Variants in TDRD9 observed in about 807,000 individuals in gnomAD.
TDRD9 encodes the protein tudor domain containing 9.
In TDRD9, 124 loss-of-function variants were observed where a neutral mutation model predicts 172.6. That is an observed-to-expected ratio of 0.72 (90% confidence interval 0.62 to 0.83). The LOEUF (loss-of-function observed/expected upper bound fraction) is 0.83. Among genes scored for constraint, TDRD9 ranks in the 40% least tolerant of loss-of-function variants. The pLI, the probability that TDRD9 is intolerant of heterozygous loss-of-function variation, is 0.00. For missense variants in TDRD9, 1,479 were observed against 1,714.1 expected (o/e 0.86, Z 2.42); for synonymous variants, 619 against 617.1 (o/e 1.00, Z -0.05).
chr14:104,042,892 T>G (rs2035651369), intron 34 of TDRD9, among the ~76,000 whole-genome samples: 1 of 152,242 alleles, frequency 6.6e-6, no homozygotes, highest in Non-Finnish European at 1.5e-5. Flanking sequence ...CTCCTTCCTA[T>G]GCCTTTTGGG....
Position 104,025,795 on chromosome 14 carries a change from A to G in TDRD9, c.2931+19A>G, listed in dbSNP as rs771964578. ...TGCTGAGGTAGGTTTTTCTGTAACA[A>G]GTCACTGGAAGGGAAATGAGACAGA... On this transcript the variant is annotated intron_variant, in intron 26 of 35. Transcript: ENST00000409874. The G allele has an allele frequency of 6.4e-7, 1 of 1,568,470 alleles. No homozygotes were observed. The highest frequency in any genetic ancestry group is 1.7e-4 in the Middle Eastern group (1 of 5,974).
At chr14:103,941,681 G>C in intron 1 of TDRD9, 1 of 1,510,396 alleles carries the variant, frequency 6.6e-7, no homozygotes, top group Non-Finnish European at 8.8e-7. Flanking sequence ...ATTTCATCCA[G>C]CCAAAAAGTG....
intron 13 of TDRD9, among the ~76,000 whole-genome samples, chr14:104,000,657 C>T (rs2034230327): frequency 6.6e-6 from 1 of 152,062 alleles, no homozygotes; most frequent in Admixed American, 6.6e-5. Context: ...TGGTGGCACA[C>T]ACCTGTAATC....
intron 23 of TDRD9, among the ~76,000 whole-genome samples, chr14:104,019,870 T>C (rs956024135): frequency 1.9e-4 from 29 of 152,218 alleles, no homozygotes; most frequent in African/African-American, 6.8e-4. Flanking sequence ...ACATTCTATC[T>C]GAGGCCCAAT....
Position 104,033,997 on chromosome 14 carries a change from A to C in TDRD9, c.3547A>C (p.Ile1183Leu). The C allele has an allele frequency of 6.4e-7, 1 of 1,551,612 alleles. No homozygotes were observed. Among genetic ancestry groups the C allele is most frequent in the East Asian group, 2.4e-5 (1 of 40,896 alleles). The change falls in exon 31 of 36, where the codon ATT (isoleucine) becomes CTT (leucine). Residue 1183 changes from isoleucine to leucine, a missense_variant. Ile to Leu is a conservative substitution (Grantham distance 5). Around this residue, in one of 3 missense-constraint regions of TDRD9, gnomAD observed 1,413 missense variants for 1,649.1 expected, o/e 0.86. Transcript: ENST00000409874. ...WIEKESINSV[I>L]ISDAPEDLHQ... Reference sequence around the variant, plus strand: ...TGAGAAGGAGAGCATCAACTCTGTCATTATCAGTGACGCCCCTGAAGACCT... The same window carrying C: ...TGAGAAGGAGAGCATCAACTCTGTCCTTATCAGTGACGCCCCTGAAGACCT...
chr14:104,040,562 C>T (rs1416155996), intron 33 of TDRD9, among the ~76,000 whole-genome samples: 1 of 152,194 alleles, frequency 6.6e-6, no homozygotes, highest in Non-Finnish European at 1.5e-5. Context: ...TGATGGTGCT[C>T]TCTGAGTCTC....
At position 104,006,687 on chromosome 14, in the gene TDRD9, C is replaced by A. The variant is rs374185759; in HGVS notation, c.1921C>A (p.Arg641=). 9 of 1,613,836 alleles carry A rather than the reference C, an allele frequency of 5.6e-6. No individual in the cohort carries two copies. The highest frequency in any genetic ancestry group is 6.8e-6 in the Non-Finnish European group (8 of 1,179,850). Residue 641 remains arginine, a synonymous_variant, in exon 17 of 36, where the codon CGG becomes AGG. Coordinates refer to ENST00000409874, the MANE Select transcript of TDRD9 (RefSeq NM_153046.3). ...SLKNFFAMPF[R]QHLDGYRNKV... is the part of the protein sequence containing the mutation. ...GAAGAATTTTTTTGCAATGCCTTTC[C>A]GGCAGCATCTCGATGGATATAGGTA...
Position 104,040,073 on chromosome 14 carries a change from AAATT to A in TDRD9, c.3717-118_3717-115del, listed in dbSNP as rs1197663152. The A allele has an allele frequency of 1.3e-5, 11 of 827,786 alleles. No homozygotes were observed. The East Asian group carries it at 2.6e-4, about 20-fold the overall frequency. The allele number at this position is 827,786 out of a possible 1,614,324, so 51.3% of individuals were successfully genotyped here. On this transcript the variant is annotated intron_variant, in intron 32 of 35. Coordinates refer to ENST00000409874, the MANE Select transcript of TDRD9 (RefSeq NM_153046.3). ...AAACTGGCAGAAAAATGCACAAGTG[AAATT>A]AATTGCTGTACTAGGGCTGGCAGAA...
chr14:103,944,208 G>A (rs142391027), intron 1 of TDRD9, among the ~76,000 whole-genome samples: 3 of 145,306 alleles, frequency 2.1e-5, no homozygotes, highest in East Asian at 2.2e-4. Flanking sequence ...ACAGTCTTAC[G>A]TTATCCCTCC....
At chr14:103,985,464 A>T (rs2033626930) in intron 7 of TDRD9, among the ~76,000 whole-genome samples, 1 of 152,164 alleles carries the variant, frequency 6.6e-6, no homozygotes, top group Admixed American at 6.5e-5. Flanking sequence ...TGGAACTGTA[A>T]GTCCAGTAAA....
chr14:104,003,744 C>T (rs989409351), intron 13 of TDRD9, among the ~76,000 whole-genome samples: 24 of 152,122 alleles, frequency 1.6e-4, no homozygotes, highest in African/African-American at 2.4e-4. Context: ...GTTCCTCACT[C>T]GGTCACGTAA....
At position 104,042,151 on chromosome 14, in the gene TDRD9, C is replaced by T. The variant is rs116761065; in HGVS notation, c.3938C>T (p.Ala1313Val). ...AAGTGTCTTGGGCCAGAGAGAGTTGCGCAGCTTCAAGACATTGCCCGTCAG... is the reference window on the plus strand; with the variant it reads ...AAGTGTCTTGGGCCAGAGAGAGTTGTGCAGCTTCAAGACATTGCCCGTCAG... ...GCKCLGPERV[A>V]QLQDIARQKL... The change falls in exon 34 of 36, where the codon GCG becomes GTG. Residue 1313 changes from alanine to valine, a missense_variant. By Grantham distance (64) the Ala-to-Val change is moderately conservative. Transcript: ENST00000409874. 1,038 of 1,613,456 alleles carry T rather than the reference C, an allele frequency of 6.4e-4. 4 individuals carry two copies. In the African/African-American group the frequency reaches 0.012, roughly 19 times the overall value.
chr14:103,958,653 G>A (rs1398783313), intron 2 of TDRD9, among the ~76,000 whole-genome samples: 3 of 152,160 alleles, frequency 2.0e-5, no homozygotes, highest in South Asian at 2.1e-4. Flanking sequence ...CAAGGAAGAG[G>A]CCATGAGCCA....
chr14:103,956,095 AAAAAAAAAAAAAAAAAATAT>A (rs2032184686), intron 2 of TDRD9, among the ~76,000 whole-genome samples: 1 of 48,074 alleles, frequency 2.1e-5, no homozygotes, highest in South Asian at 8.7e-4. Flanking sequence ...AAAAAAAAAA[AAAAAAAAAAAAAAAAAATAT>A]ATATATATAT....
intron 1 of TDRD9, among the ~76,000 whole-genome samples, chr14:103,950,468 T>A: frequency 6.6e-6 from 1 of 152,332 alleles, no homozygotes; most frequent in East Asian, 1.9e-4. Flanking sequence ...CAGGAGGTAT[T>A]TTCTTTGTCA....
intron 34 of TDRD9, 56 bp downstream of exon 34, chr14:104,042,243 C>A: frequency 8.3e-7 from 1 of 1,204,184 alleles, no homozygotes; most frequent in Non-Finnish European, 1.2e-6. Context: ...TCTCAGCTGC[C>A]TTGATCATGG....
intron 2 of TDRD9, among the ~76,000 whole-genome samples, chr14:103,962,047 G>A: frequency 6.6e-6 from 1 of 152,186 alleles, no homozygotes; most frequent in East Asian, 1.9e-4. Context: ...GAGTTTTGAT[G>A]ATTTGCCAGT....
chr14:104,048,809 C>T (rs924920482), intron 34 of TDRD9, among the ~76,000 whole-genome samples: 2 of 152,142 alleles, frequency 1.3e-5, no homozygotes, highest in African/African-American at 2.4e-5. Context: ...ATGGGCTTTC[C>T]CCATCTGTTT....
In TDRD9 at chr14:104,024,749, TACACACACACACACACACACACACAC is replaced by T. The variant is rs60394937; in HGVS notation, c.2718+85_2718+110del. 6.0e-5 allele frequency: 26 copies of T among 434,996 alleles called. 1 individual carries two copies. The highest frequency in any genetic ancestry group is 8.9e-5 in the Non-Finnish European group (21 of 237,060). 26.9% of individuals were successfully genotyped at this position (434,996 alleles called of 1,614,324 possible). A position where few individuals can be genotyped will look rare whatever the true frequency, so the allele number is the denominator to read the frequency against. On this transcript the variant is annotated intron_variant, in intron 25 of 35. Transcript: ENST00000409874. ...ATCATCATGTTGTATACAGGAAGTT[TACACACACACACACACACACACACAC>T]ACACACACACACACAGAACTTGTGC...
Sources: gnomAD v4.1 joint callset for allele counts (sites outside exome capture counted in the v4.1 genomes callset) on GRCh38, gnomAD v4.1.1 for gene constraint, gnomAD v4.1.1 regional missense constraint, MANE v1.5 for transcripts, NCBI Gene and HGNC (gene_info 2026-07-23, HGNC 2026-07-21) for gene names.